SHANK2: variants seen among roughly 807,000 people sequenced by gnomAD.
SHANK2 encodes SH3 and multiple ankyrin repeat domains protein 2.
A neutral mutation model predicts 133.7 loss-of-function variants in SHANK2; 43 were observed. The ratio of observed to expected loss-of-function variants is 0.32; its 90% confidence interval spans 0.25 to 0.41. SHANK2 has a LOEUF of 0.41. Among genes scored for constraint, SHANK2 ranks in the 10% least tolerant of loss-of-function variants. The pLI, the probability that SHANK2 is intolerant of heterozygous loss-of-function variation, is 1.00. For synonymous variants in SHANK2, 1,017 were observed against 952.8 expected (o/e 1.07, Z -1.24); for missense variants, 1,994 against 2,235.8 (o/e 0.89, Z 2.18).
chr11:71,163,203 T>C (rs1356603579), intron 2 of SHANK2, among the ~76,000 whole-genome samples: 1 of 151,200 alleles, frequency 6.6e-6, no homozygotes, highest in Non-Finnish European at 1.5e-5. Flanking sequence ...TTGTCTACTT[T>C]TCTGTGTTTA....
chr11:70,630,537 G>A (rs150902808), intron 17 of SHANK2, among the ~76,000 whole-genome samples: 151 of 152,334 alleles, frequency 9.9e-4, no homozygotes, highest in Admixed American at 2.2e-3. Context: ...AAGTAAGGTT[G>A]CTGGAGATGC....
intron 25 of SHANK2, among the ~76,000 whole-genome samples, chr11:70,480,232 G>A (rs2058716462): frequency 1.3e-5 from 2 of 152,274 alleles, no homozygotes; most frequent in South Asian, 4.2e-4. Flanking sequence ...TCTCTGTCCC[G>A]TGCCTGGGAT....
chr11:70,947,657 C>T (rs565983160), intron 10 of SHANK2, among the ~76,000 whole-genome samples: 17 of 152,246 alleles, frequency 1.1e-4, no homozygotes, highest in Non-Finnish European at 2.1e-4. Context: ...TGAGCCACTG[C>T]GCCTGGCCTG....
At chr11:71,216,176 T>C (rs1954409899) in intron 2 of SHANK2, among the ~76,000 whole-genome samples, 1 of 152,176 alleles carries the variant, frequency 6.6e-6, no homozygotes, top group African/African-American at 2.4e-5. Flanking sequence ...TACAAGAATG[T>C]CCAAGTGTGT....
chr11:71,122,529 C>T (rs762202774), intron 3 of SHANK2, among the ~76,000 whole-genome samples: 10 of 151,940 alleles, frequency 6.6e-5, no homozygotes, highest in Admixed American at 1.3e-4. Context: ...GAAAGCATTA[C>T]GAGAAATACC....
chr11:71,146,287 A>G (rs1358232536), intron 3 of SHANK2, among the ~76,000 whole-genome samples: 8 of 152,222 alleles, frequency 5.3e-5, no homozygotes, highest in African/African-American at 1.7e-4. Flanking sequence ...TGGTGGATTC[A>G]GGCAAAAGAT....
chr11:71,190,610 G>A (rs782191831), intron 2 of SHANK2, among the ~76,000 whole-genome samples: 4 of 152,214 alleles, frequency 2.6e-5, no homozygotes, highest in Non-Finnish European at 5.9e-5. Context: ...GCAGGGAATC[G>A]GCCTCTTAAG....
At chr11:70,561,783 T>C (rs193166439) in intron 17 of SHANK2, among the ~76,000 whole-genome samples, 45 of 152,164 alleles carry the variant, frequency 3.0e-4, no homozygotes, top group African/African-American at 1.1e-3. Context: ...GATCCTCCCA[T>C]CTTGGTCTCC....
At chr11:70,892,126 C>T (rs143864201) in intron 11 of SHANK2, among the ~76,000 whole-genome samples, 2 of 152,282 alleles carry the variant, frequency 1.3e-5, no homozygotes, top group East Asian at 1.9e-4. Context: ...ACCGTCACAC[C>T]GTCATGAGGC....
At chr11:70,510,924 G>A (rs1383228316) in intron 17 of SHANK2, among the ~76,000 whole-genome samples, 1 of 152,240 alleles carries the variant, frequency 6.6e-6, no homozygotes, top group Admixed American at 6.5e-5. Context: ...CCCAACCAAA[G>A]AGGCTGCGCC....
At chr11:70,576,219 TG>T (rs1364946924) in intron 17 of SHANK2, among the ~76,000 whole-genome samples, 1 of 152,024 alleles carries the variant, frequency 6.6e-6, no homozygotes, top group African/African-American at 2.4e-5. Context: ...AAGGAGAGGC[TG>T]GGGGTACAGA....
chr11:71,198,168 C>A (rs7127424), intron 2 of SHANK2, among the ~76,000 whole-genome samples: 2 of 152,022 alleles, frequency 1.3e-5, no homozygotes, highest in African/African-American at 2.4e-5. Flanking sequence ...AGGTTGGTCT[C>A]GAATTCTTGT....
At chr11:71,109,892 C>T (rs1348904976) in intron 6 of SHANK2, 49 bp downstream of exon 6, 7 of 1,188,452 alleles carry the variant, frequency 5.9e-6, no homozygotes, top group Non-Finnish European at 8.6e-6. Context: ...GGCTGGCCTT[C>T]TCTACGCTTC....
At chr11:71,077,660 G>A (rs1951239442) in intron 8 of SHANK2, among the ~76,000 whole-genome samples, 1 of 151,984 alleles carries the variant, frequency 6.6e-6, no homozygotes, top group Non-Finnish European at 1.5e-5. Flanking sequence ...ACCCCTGGTG[G>A]TTGAGGCACG....
At chr11:70,801,769 G>A (rs959231069) in intron 13 of SHANK2, among the ~76,000 whole-genome samples, 4 of 152,164 alleles carry the variant, frequency 2.6e-5, no homozygotes, top group Admixed American at 1.3e-4. Context: ...ACTCCATGTG[G>A]AACACTAGGG....
chr11:70,874,558 TG>T (rs1292721762), intron 11 of SHANK2, among the ~76,000 whole-genome samples: 5 of 152,096 alleles, frequency 3.3e-5, no homozygotes, highest in African/African-American at 1.2e-4. Context: ...TTTATTGATT[TG>T]TGCATCAGTT....
At chr11:70,688,294 G>GA (rs1945202224) in intron 15 of SHANK2, among the ~76,000 whole-genome samples, 1 of 152,190 alleles carries the variant, frequency 6.6e-6, no homozygotes, top group East Asian at 1.9e-4. Flanking sequence ...CCTCCAGCCA[G>GA]AAAAACCTAC....
chr11:70,560,091 C>T (rs12417950), intron 17 of SHANK2, among the ~76,000 whole-genome samples: 3,099 of 151,994 alleles, frequency 0.02, 55 homozygotes, highest in Non-Finnish European at 0.031. Context: ...AGGCTGGTCT[C>T]GAACTCCTGA....
At chr11:70,653,117 C>T (rs538315152) in intron 17 of SHANK2, among the ~76,000 whole-genome samples, 2 of 151,998 alleles carry the variant, frequency 1.3e-5, no homozygotes, top group Admixed American at 6.5e-5. Flanking sequence ...GGACTACAGG[C>T]GCCCACCACC....
Sources: allele counts gnomAD v4.1 joint callset (sites outside exome capture counted in the v4.1 genomes callset), GRCh38; gene constraint gnomAD v4.1.1; transcripts MANE v1.5; gene names NCBI Gene and HGNC (gene_info 2026-07-23, HGNC 2026-07-21).